Variants in PDE4B observed in about 807,000 individuals in gnomAD.
PDE4B encodes 3',5'-cyclic-AMP phosphodiesterase 4B.
In PDE4B, 20 loss-of-function variants were observed where a neutral mutation model predicts 82.2. The observed-to-expected ratio is 0.24, with a 90% CI of 0.17 to 0.35. PDE4B has a LOEUF of 0.35. Among genes scored for constraint, PDE4B ranks in the 10% least tolerant of loss-of-function variants. The pLI is 1.00. For synonymous variants in PDE4B, 320 were observed against 318.9 expected, an observed-to-expected ratio of 1.00 and a Z score of -0.04; for missense variants, 655 against 907.2, an observed-to-expected ratio of 0.72 and a Z score of 3.57.
At chr1:66,097,605 T>C in intron 3 of PDE4B, among the ~76,000 whole-genome samples, 1 of 152,074 alleles carries the variant, frequency 6.6e-6, no homozygotes, top group Non-Finnish European at 1.5e-5. Flanking sequence ...CAGATTTTCT[T>C]CTCTAAATTT....
At chr1:66,237,414 G>T (rs1037819108) in intron 3 of PDE4B, among the ~76,000 whole-genome samples, 1 of 152,160 alleles carries the variant, frequency 6.6e-6, no homozygotes, top group African/African-American at 2.4e-5. Flanking sequence ...TCATTTTCAA[G>T]AGAATATAAA....
In PDE4B at chr1:66,303,147, T is replaced by C. The variant is rs548915013; in HGVS notation, c.635-29361T>C. ...ATTGTAACCACAACACCTTGAACAG[T>C]AGACCCTGGATAAACATTTCTTGAG... On this transcript the variant is annotated intron_variant, in intron 7 of 16. Transcript: ENST00000341517. 7.9e-5 allele frequency among the ~76,000 whole-genome samples: 12 copies of C among 152,244 alleles called. 1 individual carries two copies. The South Asian group carries it at 2.3e-3, about 29-fold the overall frequency.
At chr1:65,866,210 A>G (rs148884896) in intron 1 of PDE4B, among the ~76,000 whole-genome samples, 336 of 152,264 alleles carry the variant, frequency 2.2e-3, no homozygotes, top group South Asian at 4.1e-3. Flanking sequence ...TTATGGTTAT[A>G]TGGGCACTAG....
At chr1:66,363,652 C>A in intron 12 of PDE4B, 81 bp downstream of exon 12, 2 of 1,170,510 alleles carry the variant, frequency 1.7e-6, no homozygotes, top group Non-Finnish European at 2.5e-6. Context: ...TAGCATGTGC[C>A]TGTAGTCCTA....
intron 3 of PDE4B, among the ~76,000 whole-genome samples, chr1:66,196,740 A>G (rs923598327): frequency 2.1e-5 from 3 of 145,666 alleles, no homozygotes; most frequent in Non-Finnish European, 4.5e-5. Flanking sequence ...ATTCTCACTC[A>G]TAGGTGGGAA....
chr1:66,263,841 A>C (rs1456120089), intron 6 of PDE4B, among the ~76,000 whole-genome samples: 1 of 152,164 alleles, frequency 6.6e-6, no homozygotes, highest in African/African-American at 2.4e-5. Flanking sequence ...TTGACAGGGG[A>C]ATGAATGGCC....
chr1:66,114,220 T>C (rs992585964), intron 3 of PDE4B, among the ~76,000 whole-genome samples: 3 of 152,172 alleles, frequency 2.0e-5, no homozygotes, highest in African/African-American at 7.2e-5. Flanking sequence ...AGCCAGCACC[T>C]TGATCTCGGA....
intron 1 of PDE4B, among the ~76,000 whole-genome samples, chr1:65,888,297 G>A (rs79227336): frequency 0.015 from 2,280 of 152,106 alleles, 73 homozygotes; most frequent in African/African-American, 0.053. Flanking sequence ...ACTTTGTCCC[G>A]TGGTGTATGT....
At chr1:66,076,018 CTTTCT>C (rs1656417617) in intron 3 of PDE4B, among the ~76,000 whole-genome samples, 1 of 151,796 alleles carries the variant, frequency 6.6e-6, no homozygotes, top group Non-Finnish European at 1.5e-5. Context: ...CTTTTTCTTT[CTTTCT>C]TTTTTTTTTC....
At position 65,851,103 on chromosome 1, in the gene PDE4B, A is replaced by T. The variant is rs992611460; in HGVS notation, c.-71+57855A>T. 5.3e-5 allele frequency among the ~76,000 whole-genome samples: 8 copies of T among 152,164 alleles called. No homozygotes were observed. The East Asian group carries it at 1.5e-3, about 29-fold the overall frequency. Reference sequence around the variant, plus strand: ...TCTATTTCCCATTGAATTAGTTTAGATGCTGTCAAAAATCAATAGGCCGAA... The same window carrying T: ...TCTATTTCCCATTGAATTAGTTTAGTTGCTGTCAAAAATCAATAGGCCGAA... On this transcript the variant is annotated intron_variant, in intron 1 of 16. Transcript: ENST00000341517.
intron 3 of PDE4B, among the ~76,000 whole-genome samples, chr1:66,105,230 G>T (rs963542214): frequency 5.5e-5 from 8 of 145,540 alleles, no homozygotes; most frequent in Admixed American, 2.1e-4. Flanking sequence ...TGTCATGTTT[G>T]TCAAAGATCA....
chr1:65,966,933 C>A (rs925011858), intron 3 of PDE4B, among the ~76,000 whole-genome samples: 1 of 151,994 alleles, frequency 6.6e-6, no homozygotes, highest in Admixed American at 6.6e-5. Context: ...CCATAAAAAC[C>A]CTAGAAGAAA....
At chr1:66,023,538 G>A (rs1653262400) in intron 3 of PDE4B, among the ~76,000 whole-genome samples, 1 of 152,170 alleles carries the variant, frequency 6.6e-6, no homozygotes, top group Non-Finnish European at 1.5e-5. Context: ...TGGAACAAGT[G>A]AAAAGCTCCA....
chr1:66,353,185 G>A (rs1441717757), intron 8 of PDE4B, among the ~76,000 whole-genome samples: 1 of 152,158 alleles, frequency 6.6e-6, no homozygotes, highest in Non-Finnish European at 1.5e-5. Context: ...ATTGCACAGA[G>A]GTTCAATAAG....
chr1:66,218,588 C>T (rs1281278749), intron 3 of PDE4B, among the ~76,000 whole-genome samples: 3 of 152,090 alleles, frequency 2.0e-5, no homozygotes, highest in Non-Finnish European at 4.4e-5. Context: ...CAATCCTTTT[C>T]AATATCAGTG....
rs1414255847 is a variant in PDE4B at position 66,247,568 on chromosome 1, C to T, written c.390C>T (p.Arg130=). 1 of 1,612,340 alleles carries T rather than the reference C, an allele frequency of 6.2e-7. No homozygotes were observed. The highest frequency in any genetic ancestry group is 8.5e-7 in the Non-Finnish European group (1 of 1,179,020). The change falls in exon 4 of 17, where the codon CGC becomes CGT. Residue 130 remains arginine (R), a synonymous_variant. Transcript: ENST00000341517. The stretch of plus-strand genomic sequence containing the variant: ...CCACCTTTCCTGGGCACAGCCAGCG[C>T]AGAGAGTCATTTCTCTACAGATCAG... ...LHATFPGHSQ[R]RESFLYRSDS...
chr1:66,130,616 C>A (rs1645921751), intron 3 of PDE4B, among the ~76,000 whole-genome samples: 1 of 152,196 alleles, frequency 6.6e-6, no homozygotes, highest in South Asian at 2.1e-4. Flanking sequence ...AAGATAGACA[C>A]CTCACCCAGA....
chr1:65,951,351 C>T (rs1648983676), intron 3 of PDE4B, among the ~76,000 whole-genome samples: 1 of 151,980 alleles, frequency 6.6e-6, no homozygotes, highest in Admixed American at 6.6e-5. Context: ...GAGAAAGGGA[C>T]AAGAGAAGGG....
chr1:66,206,582 G>A (rs545869934), intron 3 of PDE4B, among the ~76,000 whole-genome samples: 1 of 152,276 alleles, frequency 6.6e-6, no homozygotes, highest in South Asian at 2.1e-4. Context: ...ACTGTAAAAC[G>A]TGGATCACAT....
Sources: allele counts gnomAD v4.1 joint callset (sites outside exome capture counted in the v4.1 genomes callset), GRCh38; gene constraint gnomAD v4.1.1; transcripts MANE v1.5; gene names NCBI Gene and HGNC (gene_info 2026-07-23, HGNC 2026-07-21).